RABGAP1L: variants seen among roughly 807,000 people sequenced by gnomAD.
RABGAP1L encodes the protein rab GTPase-activating protein 1-like.
RABGAP1L carries 63 observed loss-of-function variants against 137.7 expected under a neutral mutation model. The observed-to-expected ratio is 0.46, with a 90% CI of 0.37 to 0.56. The LOEUF (loss-of-function observed/expected upper bound fraction) is 0.56. RABGAP1L is among the 20% of genes least tolerant of loss of function. The pLI is 0.00. For missense variants in RABGAP1L, 1,095 were observed against 1,244.0 expected, an observed-to-expected ratio of 0.88 and a Z score of 1.80; for synonymous variants, 431 against 433.7, an observed-to-expected ratio of 0.99 and a Z score of 0.08.
At chr1:174,684,585 G>A (rs558697291) in intron 15 of RABGAP1L, among the ~76,000 whole-genome samples, 3 of 152,136 alleles carry the variant, frequency 2.0e-5, no homozygotes. Context: ...TGGAGCAAGG[G>A]AATAATACAG....
intron 13 of RABGAP1L, among the ~76,000 whole-genome samples, chr1:174,428,306 A>G (rs901774625): frequency 6.6e-6 from 1 of 152,200 alleles, no homozygotes; most frequent in Non-Finnish European, 1.5e-5. Context: ...TAGGTCTAGG[A>G]GCTGACAATG....
At chr1:174,871,604 G>T (rs185514676) in intron 19 of RABGAP1L, among the ~76,000 whole-genome samples, 2 of 152,220 alleles carry the variant, frequency 1.3e-5, no homozygotes, top group East Asian at 3.9e-4. Context: ...ATCCAGGCTG[G>T]GAGAAAAACT....
intron 12 of RABGAP1L, among the ~76,000 whole-genome samples, chr1:174,384,000 C>G (rs982658999): frequency 6.6e-6 from 1 of 152,186 alleles, no homozygotes; most frequent in African/African-American, 2.4e-5. Context: ...TAGCCTTGCT[C>G]ATAATCACCC....
At chr1:174,322,861 T>C (rs1287718673) in intron 11 of RABGAP1L, among the ~76,000 whole-genome samples, 4 of 152,012 alleles carry the variant, frequency 2.6e-5, no homozygotes, top group African/African-American at 9.7e-5. Flanking sequence ...ACAGGGGCAG[T>C]TGGGGAATGT....
At chr1:174,935,207 AT>A (rs1189103748) in intron 19 of RABGAP1L, 1 of 152,236 alleles carries the variant, frequency 6.6e-6, no homozygotes, top group Admixed American at 6.5e-5. Context: ...CTTAAAGGTG[AT>A]TGATATTTAT....
At chr1:174,261,187 T>TATAA (rs1264452053) in intron 7 of RABGAP1L, among the ~76,000 whole-genome samples, 1 of 152,106 alleles carries the variant, frequency 6.6e-6, no homozygotes, top group East Asian at 1.9e-4. Context: ...TTAGAGTTGT[T>TATAA]ATAAGCACAC....
At chr1:174,340,522 T>A (rs1356265711) in intron 11 of RABGAP1L, among the ~76,000 whole-genome samples, 1 of 152,180 alleles carries the variant, frequency 6.6e-6, no homozygotes, top group Non-Finnish European at 1.5e-5. Context: ...GAATATGCAG[T>A]GTTTGCTTTT....
At chr1:174,669,902 C>A (rs1016379237) in intron 14 of RABGAP1L, among the ~76,000 whole-genome samples, 15 of 152,040 alleles carry the variant, frequency 9.9e-5, no homozygotes, top group Admixed American at 3.3e-4. Flanking sequence ...TATTTTGAAG[C>A]CAAGTCATGT....
chr1:174,391,481 T>C (rs868522338), intron 12 of RABGAP1L, among the ~76,000 whole-genome samples: 5 of 152,200 alleles, frequency 3.3e-5, no homozygotes, highest in Middle Eastern at 3.4e-3. Context: ...CATGGCCGGC[T>C]AAGTTTTTTG....
At chr1:174,885,385 T>C (rs1472267710) in intron 19 of RABGAP1L, among the ~76,000 whole-genome samples, 2 of 152,212 alleles carry the variant, frequency 1.3e-5, no homozygotes, top group African/African-American at 4.8e-5. Context: ...TTATTCCAAA[T>C]TGATTCTTTT....
intron 11 of RABGAP1L, chr1:174,367,132 T>C (rs1684705156): frequency 6.5e-6 from 1 of 152,718 alleles, no homozygotes; most frequent in East Asian, 1.9e-4. Context: ...CTTCCTCCTT[T>C]GTTATATGTG....
chr1:174,394,923 T>G (rs1219641852), intron 13 of RABGAP1L, among the ~76,000 whole-genome samples: 1 of 151,540 alleles, frequency 6.6e-6, no homozygotes, highest in Non-Finnish European at 1.5e-5. Context: ...TCTGAGTGCC[T>G]AGTATAATTA....
intron 10 of RABGAP1L, among the ~76,000 whole-genome samples, chr1:174,288,402 G>A (rs1676263584): frequency 6.6e-6 from 1 of 152,118 alleles, no homozygotes; most frequent in South Asian, 2.1e-4. Context: ...TTGTGATGAT[G>A]AACTCCTTTA....
At chr1:174,688,444 A>G (rs1432110900) in intron 15 of RABGAP1L, among the ~76,000 whole-genome samples, 3 of 152,054 alleles carry the variant, frequency 2.0e-5, no homozygotes, top group Non-Finnish European at 4.4e-5. Context: ...ATAATCTAGC[A>G]TGTTTAAAAC....
chr1:174,612,625 G>T (rs914718979), intron 13 of RABGAP1L, among the ~76,000 whole-genome samples: 18 of 152,238 alleles, frequency 1.2e-4, no homozygotes, highest in East Asian at 3.9e-4. Flanking sequence ...AGTTTCAGAA[G>T]GAATGGTACC....
chr1:174,784,970 C>T (rs1039933821), intron 18 of RABGAP1L, among the ~76,000 whole-genome samples: 3 of 152,140 alleles, frequency 2.0e-5, no homozygotes, highest in Admixed American at 6.5e-5. Context: ...TTCTCAGTAG[C>T]ATTTAAATGA....
intron 13 of RABGAP1L, among the ~76,000 whole-genome samples, chr1:174,537,257 T>G (rs1055715023): frequency 1.5e-4 from 23 of 152,152 alleles, no homozygotes; most frequent in Admixed American, 1.4e-3. Context: ...ATTATGAGGT[T>G]GAACCAAATG....
intron 13 of RABGAP1L, among the ~76,000 whole-genome samples, chr1:174,516,275 C>T (rs1339127128): frequency 6.6e-6 from 1 of 152,144 alleles, no homozygotes; most frequent in Admixed American, 6.5e-5. Flanking sequence ...CCTCCCTCAG[C>T]TTCCTGAGTA....
At chr1:174,772,201 AAAAC>A (rs1686165613) in intron 18 of RABGAP1L, among the ~76,000 whole-genome samples, 1 of 152,074 alleles carries the variant, frequency 6.6e-6, no homozygotes, top group African/African-American at 2.4e-5. Flanking sequence ...GTCTCAAAAA[AAAAC>A]AAAAAACAAA....
Sources: allele counts gnomAD v4.1 joint callset (sites outside exome capture counted in the v4.1 genomes callset), GRCh38; gene constraint gnomAD v4.1.1; transcripts MANE v1.5; gene names NCBI Gene and HGNC (gene_info 2026-07-23, HGNC 2026-07-21).